The following RRAS2 variants were observed in gnomAD, a reference collection of about 807,000 sequenced individuals.
RRAS2 encodes ras-related protein R-Ras2.
RRAS2 carries 7 observed loss-of-function variants against 27.6 expected under a neutral mutation model. The observed-to-expected ratio is 0.25, with a 90% CI of 0.14 to 0.48. The LOEUF (loss-of-function observed/expected upper bound fraction) is 0.48, where lower values mean the gene tolerates loss of function less well. RRAS2 is among the 20% of genes least tolerant of loss of function. RRAS2 has a pLI of 0.99. For missense variants in RRAS2, 178 were observed against 256.2 expected (o/e 0.69, Z 2.08); for synonymous variants, 86 against 90.9 (o/e 0.95, Z 0.31).
At chr11:14,350,730 T>C (rs1554954647) in intron 1 of RRAS2, among the ~76,000 whole-genome samples, 2 of 151,920 alleles carry the variant, frequency 1.3e-5, no homozygotes, top group Non-Finnish European at 2.9e-5. Context: ...AAATCTCATG[T>C]TTTAAGAAAT....
chr11:14,358,442 T>G lies in RRAS2; in HGVS notation c.108+321A>C. The G allele has an allele frequency of 1.0e-6, 1 of 985,226 alleles. No individual in the cohort carries two copies. The highest frequency in any genetic ancestry group is 1.2e-6 in the Non-Finnish European group (1 of 829,944). The allele number at this position is 985,226 out of a possible 1,614,324, so 61.0% of individuals were successfully genotyped here. The stretch of plus-strand genomic sequence containing the variant: ...CTCGGAGCAGTAAAGCCCGGCTCGG[T>G]GGCCCAGCCTCTCCCGGAGGTCTCT... On this transcript the variant is annotated intron_variant, in intron 1 of 5. Coordinates refer to ENST00000256196, the MANE Select transcript of RRAS2 (RefSeq NM_012250.6). The surrounding 1 kb of genome is among the most constrained non-coding windows in gnomAD (Gnocchi z 5.1).
chr11:14,332,041 C>T (rs1848490336), intron 1 of RRAS2, among the ~76,000 whole-genome samples: 1 of 152,140 alleles, frequency 6.6e-6, no homozygotes, highest in South Asian at 2.1e-4. Flanking sequence ...TCGGTAAAGA[C>T]CCAGAGTAAC....
chr11:14,291,074 G>A (rs1320296265), intron 4 of RRAS2, among the ~76,000 whole-genome samples: 1 of 152,166 alleles, frequency 6.6e-6, no homozygotes, highest in Admixed American at 6.5e-5. Flanking sequence ...CATGTAAGTG[G>A]AGGGAAGTGA....
At chr11:14,332,607 G>A (rs1832904803) in intron 1 of RRAS2, among the ~76,000 whole-genome samples, 1 of 152,154 alleles carries the variant, frequency 6.6e-6, no homozygotes, top group Non-Finnish European at 1.5e-5. Context: ...GACACAAAAA[G>A]AGTACATACT....
intron 1 of RRAS2, chr11:14,356,824 CAG>C (rs1184461228): frequency 9.3e-5 from 38 of 407,628 alleles, no homozygotes; most frequent in Non-Finnish European, 1.6e-4. Flanking sequence ...TTTTTTGAGG[CAG>C]AGTCTCGCTC....
intron 4 of RRAS2, 35 bp from the exon 5 acceptor site, chr11:14,281,755 T>A: frequency 6.6e-7 from 1 of 1,518,846 alleles, no homozygotes; most frequent in Non-Finnish European, 9.0e-7. Context: ...TGGTACATTA[T>A]TAACAACTGG....
intron 1 of RRAS2, among the ~76,000 whole-genome samples, chr11:14,326,450 A>G (rs537732417): frequency 6.6e-6 from 1 of 152,230 alleles, no homozygotes; most frequent in African/African-American, 2.4e-5. Flanking sequence ...TGTTATACTA[A>G]AACATTTCAG....
Position 14,330,134 on chromosome 11 carries a change from G to C in RRAS2, c.108+28629C>G, listed in dbSNP as rs1347229369. Among the ~76,000 whole-genome samples, 7 of 152,162 alleles carry C rather than the reference G, an allele frequency of 4.6e-5. No homozygotes were observed. The East Asian group carries it at 1.3e-3, about 29-fold the overall frequency. On this transcript the variant is annotated intron_variant, in intron 1 of 5. Transcript: ENST00000256196. ...CAAATGACTCAATGTAGTATTCACGGTGTAATGTGAATGTGTTCATTAAAA... is the reference window on the plus strand; with the variant it reads ...CAAATGACTCAATGTAGTATTCACGCTGTAATGTGAATGTGTTCATTAAAA...
chr11:14,359,372 C>T (rs1457605569), upstream of RRAS2, among the ~76,000 whole-genome samples: 1 of 152,104 alleles, frequency 6.6e-6, no homozygotes, highest in Non-Finnish European at 1.5e-5. Flanking sequence ...GGGAGTGGGA[C>T]GAAGGCAGAA....
intron 4 of RRAS2, among the ~76,000 whole-genome samples, chr11:14,282,279 A>G (rs1420052093): frequency 4.6e-5 from 7 of 152,238 alleles, no homozygotes; most frequent in African/African-American, 1.7e-4. Flanking sequence ...TAAGTTTCAG[A>G]GGCCATAAGG....
At chr11:14,364,280 G>T in intron 1 of RRAS2, 1 of 993,364 alleles carries the variant, frequency 1.0e-6, no homozygotes, top group African/African-American at 1.6e-5. Flanking sequence ...AGTGGAGAGG[G>T]AGATGCTAGA....
intron 4 of RRAS2, among the ~76,000 whole-genome samples, chr11:14,291,597 C>A (rs1012569053): frequency 6.6e-6 from 1 of 151,994 alleles, no homozygotes. Context: ...GCTAACACTA[C>A]GTATCTTTAG....
rs12796210 is a variant in RRAS2 at position 14,356,679 on chromosome 11, T to C, written c.108+2084A>G. On this transcript the variant is annotated intron_variant, in intron 1 of 5. Coordinates refer to ENST00000256196, the MANE Select transcript of RRAS2 (RefSeq NM_012250.6). ...TTTATGTACACATATGTCTTCCTCATACATACCTGCTTCCTTTACTTCTTT... is the reference window on the plus strand; with the variant it reads ...TTTATGTACACATATGTCTTCCTCACACATACCTGCTTCCTTTACTTCTTT... The C allele has an allele frequency of 9.9e-3, 4,212 of 423,846 alleles. 33 individuals carry two copies. Among genetic ancestry groups the C allele is most frequent in the Non-Finnish European group, 0.014 (3,072 of 217,314 alleles). The allele number at this position is 423,846 out of a possible 1,614,324, so 26.3% of individuals were successfully genotyped here. A position where few individuals can be genotyped will look rare whatever the true frequency, so the allele number is the denominator to read the frequency against.
intron 1 of RRAS2, among the ~76,000 whole-genome samples, chr11:14,309,843 A>C (rs969227748): frequency 6.6e-6 from 1 of 152,228 alleles, no homozygotes. Context: ...GATTTTATTC[A>C]AAGTGAAATG....
At chr11:14,315,394 T>C (rs1281844727) in intron 1 of RRAS2, among the ~76,000 whole-genome samples, 1 of 152,214 alleles carries the variant, frequency 6.6e-6, no homozygotes, top group Non-Finnish European at 1.5e-5. Flanking sequence ...CACATTCTAA[T>C]AGAGGGGCAC....
At chr11:14,296,643 T>C (rs546457021) in intron 1 of RRAS2, among the ~76,000 whole-genome samples, 1 of 152,298 alleles carries the variant, frequency 6.6e-6, no homozygotes, top group African/African-American at 2.4e-5. Context: ...TTCTCACACT[T>C]TGTCTTATTC....
At chr11:14,347,762 A>T (rs1247074910) in intron 1 of RRAS2, among the ~76,000 whole-genome samples, 4 of 152,070 alleles carry the variant, frequency 2.6e-5, no homozygotes, top group African/African-American at 9.7e-5. Context: ...GGGTGCAGTG[A>T]CCTGTCATCA....
rs375816394 is a variant in RRAS2 at position 14,358,507 on chromosome 11, C to A, written c.108+256G>T. 4 of 985,758 alleles carry A rather than the reference C, an allele frequency of 4.1e-6. No homozygotes were observed. The African/African-American group carries it at 7.0e-5, about 17-fold the overall frequency. The allele number at this position is 985,758 out of a possible 1,614,324, so 61.1% of individuals were successfully genotyped here. ...CAATAAGGTGGATCGGTGCTTCCCA[C>A]CCTTCCAGCTCCGCCCTCCCGACCA... On this transcript the variant is annotated intron_variant, in intron 1 of 5. Coordinates refer to ENST00000256196, the MANE Select transcript of RRAS2 (RefSeq NM_012250.6). The surrounding 1 kb of genome is among the most constrained non-coding windows in gnomAD (Gnocchi z 5.1).
At chr11:14,313,210 G>A (rs1297012984) in intron 1 of RRAS2, among the ~76,000 whole-genome samples, 1 of 152,190 alleles carries the variant, frequency 6.6e-6, no homozygotes, top group Admixed American at 6.5e-5. Flanking sequence ...CATGTTCACA[G>A]AATTTAAGAC....
Sources: allele counts gnomAD v4.1 joint callset (sites outside exome capture counted in the v4.1 genomes callset), GRCh38; gene constraint gnomAD v4.1.1; non-coding constraint Gnocchi (gnomAD v3.1); transcripts MANE v1.5; gene names NCBI Gene and HGNC (gene_info 2026-07-23, HGNC 2026-07-21).